BCAS1: variants seen among roughly 807,000 people sequenced by gnomAD.
BCAS1 encodes brain enriched myelin associated protein 1, also known as breast carcinoma-amplified sequence 1.
BCAS1 carries 46 observed loss-of-function variants against 65.4 expected under a neutral mutation model. That is an observed-to-expected ratio of 0.70 (90% CI 0.55 to 0.90). The LOEUF (loss-of-function observed/expected upper bound fraction) is 0.90. Ranked by LOEUF, BCAS1 falls within the 40% of genes least tolerant of loss-of-function variation. The pLI, the probability that BCAS1 is intolerant of heterozygous loss-of-function variation, is 0.00. For missense variants in BCAS1, 793 were observed against 771.2 expected (o/e 1.03, Z -0.33); for synonymous variants, 298 against 293.5 (o/e 1.02, Z -0.16).
Position 54,040,928 on chromosome 20 carries a change from A to G in BCAS1, c.143-11956T>C, listed in dbSNP as rs7269545. Among the ~76,000 whole-genome samples the G allele has an allele frequency of 7.7e-3, 1,167 of 151,484 alleles. 49 individuals are homozygous for G. Among genetic ancestry groups the G allele is most frequent in the South Asian group, 0.044 (213 of 4,790 alleles). Reference sequence around the variant, plus strand: ...TTCATAATAGCTGAAAAGTGGAAACAACCCAAATATCCATCAATTGGAAAA... The same window carrying G: ...TTCATAATAGCTGAAAAGTGGAAACGACCCAAATATCCATCAATTGGAAAA... On this transcript the variant is annotated intron_variant, in intron 3 of 12. Transcript: ENST00000688948.
intron 10 of BCAS1, among the ~76,000 whole-genome samples, chr20:53,960,096 C>G (rs2089829504): frequency 6.6e-6 from 1 of 152,120 alleles, no homozygotes; most frequent in Non-Finnish European, 1.5e-5. Context: ...ATCTGTCAAC[C>G]TTTGGGAATG....
chr20:54,003,358 T>C (rs1401312751), intron 4 of BCAS1, among the ~76,000 whole-genome samples: 1 of 152,184 alleles, frequency 6.6e-6, no homozygotes, highest in Non-Finnish European at 1.5e-5. Context: ...TATGCCTTTG[T>C]ACACTGTGCT....
chr20:53,985,513 A>C lies in BCAS1; in HGVS notation c.1063-14T>G. 1 of 1,609,772 alleles carries C rather than the reference A, an allele frequency of 6.2e-7. No individual in the cohort carries two copies. Among genetic ancestry groups the C allele is most frequent in the Non-Finnish European group, 8.5e-7 (1 of 1,177,840 alleles). On this transcript the variant is annotated splice_polypyrimidine_tract_variant and intron_variant, in intron 7 of 12. Transcript: ENST00000688948. The stretch of plus-strand genomic sequence containing the variant: ...CTTTTCAGCACCCTAAAGAGTTAAA[A>C]AAAATGGAGGGAAAACATTCAAAAT...
At chr20:54,005,964 A>T (rs1568868307) in intron 4 of BCAS1, among the ~76,000 whole-genome samples, 1 of 152,128 alleles carries the variant, frequency 6.6e-6, no homozygotes, top group Non-Finnish European at 1.5e-5. Context: ...TTATAACAAT[A>T]ATTTGGAGTC....
intron 8 of BCAS1, among the ~76,000 whole-genome samples, chr20:53,981,558 C>A (rs1341660179): frequency 7.4e-6 from 1 of 134,346 alleles, no homozygotes. Flanking sequence ...TTTTTTTTTA[C>A]TCGATCCTCC....
At chr20:54,057,246 C>T (rs943364716) in intron 3 of BCAS1, among the ~76,000 whole-genome samples, 2 of 152,194 alleles carry the variant, frequency 1.3e-5, no homozygotes, top group Admixed American at 6.5e-5. Flanking sequence ...TGAGGAATTC[C>T]TAAGTGCTGA....
chr20:54,023,719 G>C (rs1477958139), intron 4 of BCAS1, among the ~76,000 whole-genome samples: 3 of 152,226 alleles, frequency 2.0e-5, no homozygotes, highest in African/African-American at 7.2e-5. Flanking sequence ...AGGAAACATT[G>C]TGGAAACCCT....
chr20:53,967,779 T>C (rs1167993385), intron 9 of BCAS1, among the ~76,000 whole-genome samples: 1 of 152,246 alleles, frequency 6.6e-6, no homozygotes, highest in Admixed American at 6.5e-5. Context: ...AGGGCCCATC[T>C]ACCACACTCT....
rs144058061 is a variant in BCAS1, at chr20:54,001,416, A to G, written c.724-5366T>C. Among the ~76,000 whole-genome samples, 401 of 152,318 alleles carry G rather than the reference A, an allele frequency of 2.6e-3. 2 individuals carry two copies. The highest frequency in any genetic ancestry group is 9.5e-3 in the African/African-American group (393 of 41,562). ...TTTGTAAAACTAGCAAATTAGACAC[A>G]ACATTAGAAATTATGGCTCAGGAGT... On this transcript the variant is annotated intron_variant, in intron 4 of 12. Coordinates refer to ENST00000688948, the MANE Select transcript of BCAS1 (RefSeq NM_001366298.2).
chr20:54,055,575 C>T (rs967829952), intron 3 of BCAS1, among the ~76,000 whole-genome samples: 1 of 152,082 alleles, frequency 6.6e-6, no homozygotes, highest in Non-Finnish European at 1.5e-5. Flanking sequence ...TATGGGAGTA[C>T]AATTAAAAAT....
At chr20:53,956,500 A>C (rs1309037083) in intron 11 of BCAS1, among the ~76,000 whole-genome samples, 1 of 152,232 alleles carries the variant, frequency 6.6e-6, no homozygotes, top group Non-Finnish European at 1.5e-5. Context: ...ACAGTAGCTA[A>C]CATGTATTGA....
At chr20:54,062,787 C>T (rs1040089330) in intron 1 of BCAS1, among the ~76,000 whole-genome samples, 3 of 152,304 alleles carry the variant, frequency 2.0e-5, no homozygotes, top group South Asian at 4.1e-4. Context: ...AATCTAATGG[C>T]GTGTCTTTTT....
In BCAS1 at chr20:53,995,933, C is replaced by T. The variant is rs1274772983; in HGVS notation, c.841G>A (p.Ala281Thr). Reference protein sequence around the residue: ...AKDDSQAAAIAENNNSIMSFF... With the variant: ...AKDDSQAAAITENNNSIMSFF... ...CTCATGATGGAATTATTATTCTCTG[C>T]TATAGCTGCTGCCTGGGAATCGTCC... The change falls in exon 5 of 13, where the codon GCA becomes ACA. Residue 281 changes from alanine (A) to threonine (T), a missense_variant. By Grantham distance (58) the Ala-to-Thr change is moderately conservative. Transcript: ENST00000688948. 1 of 1,613,720 alleles carries T rather than the reference C, an allele frequency of 6.2e-7. No homozygotes were observed. The highest frequency in any genetic ancestry group is 1.7e-5 in the Admixed American group (1 of 59,940).
chr20:54,051,197 AGT>A (rs1409928241), intron 3 of BCAS1, among the ~76,000 whole-genome samples: 1 of 152,192 alleles, frequency 6.6e-6, no homozygotes, highest in African/African-American at 2.4e-5. Context: ...GTGGCCTGAC[AGT>A]GGTGTGTGGG....
At chr20:53,960,753 CT>C (rs1395963472) in intron 10 of BCAS1, among the ~76,000 whole-genome samples, 1 of 151,952 alleles carries the variant, frequency 6.6e-6, no homozygotes, top group Non-Finnish European at 1.5e-5. Context: ...TTCTACCCTT[CT>C]TTCTTTTTTC....
chr20:54,069,516 C>T (rs2092488416), intron 1 of BCAS1, among the ~76,000 whole-genome samples: 1 of 152,166 alleles, frequency 6.6e-6, no homozygotes, highest in African/African-American at 2.4e-5. Context: ...CATCCCAGGC[C>T]CGACTGGACT....
intron 4 of BCAS1, 29 bp from the exon 5 acceptor site, chr20:53,996,079 C>T (rs746731179): frequency 9.0e-6 from 14 of 1,550,094 alleles, no homozygotes; most frequent in African/African-American, 1.4e-5. Context: ...TCACAGTTGC[C>T]ACTTGCTGAA....
intron 9 of BCAS1, among the ~76,000 whole-genome samples, chr20:53,971,837 G>T (rs1022697179): frequency 1.3e-5 from 2 of 152,126 alleles, no homozygotes; most frequent in Non-Finnish European, 2.9e-5. Flanking sequence ...TGGAAGGAAA[G>T]AAATTTTTTT....
chr20:53,945,404 CTT>C (rs10583008), intron 12 of BCAS1, among the ~76,000 whole-genome samples: 12,696 of 141,738 alleles, frequency 0.09, 718 homozygotes, highest in African/African-American at 0.16. Context: ...TTATTTTCTT[CTT>C]TTTTTTTTAT....
Sources: gnomAD v4.1 joint callset for allele counts (sites outside exome capture counted in the v4.1 genomes callset) on GRCh38, gnomAD v4.1.1 for gene constraint, MANE v1.5 for transcripts, NCBI Gene and HGNC (gene_info 2026-07-23, HGNC 2026-07-21) for gene names.